Variants in FER observed in about 807,000 individuals in gnomAD.
FER encodes tyrosine-protein kinase Fer.
In FER, 63 loss-of-function variants were observed where a neutral mutation model predicts 111.0. The ratio of observed to expected loss-of-function variants is 0.57; its 90% CI spans 0.46 to 0.70. FER has a LOEUF of 0.70. FER is among the 30% of genes least tolerant of loss of function. FER has a pLI of 0.00. For missense variants in FER, 914 were observed against 954.0 expected (o/e 0.96, Z 0.55); for synonymous variants, 327 against 313.9 (o/e 1.04, Z -0.44).
At chr5:108,992,465 C>A (rs1183743179) in intron 13 of FER, among the ~76,000 whole-genome samples, 8 of 151,488 alleles carry the variant, frequency 5.3e-5, no homozygotes, top group African/African-American at 9.7e-5. Context: ...GGCAGAGGCG[C>A]CCCTCACCTC....
chr5:108,757,034 G>A (rs950139514), intron 1 of FER, among the ~76,000 whole-genome samples: 1 of 152,086 alleles, frequency 6.6e-6, no homozygotes, highest in African/African-American at 2.4e-5. Context: ...CCAATTTTAG[G>A]TCATATCATT....
At chr5:108,836,101 A>T (rs550611540) in intron 5 of FER, among the ~76,000 whole-genome samples, 1 of 152,186 alleles carries the variant, frequency 6.6e-6, no homozygotes, top group African/African-American at 2.4e-5. Flanking sequence ...TTACTTATTT[A>T]ATTACAGAGT....
intron 17 of FER, among the ~76,000 whole-genome samples, chr5:109,147,664 G>C (rs1754368214): frequency 6.6e-6 from 1 of 151,732 alleles, no homozygotes; most frequent in Non-Finnish European, 1.5e-5. Context: ...TATATTTCTA[G>C]CTGAAAAAGG....
rs540561715 is a variant in FER, at chr5:108,879,653, G to C, written c.924-3743G>C. Among the ~76,000 whole-genome samples the C allele has an allele frequency of 2.1e-3, 289 of 137,692 alleles. 1 individual carries two copies. The highest frequency in any genetic ancestry group is 7.3e-3 in the African/African-American group (263 of 35,956). 90.3% of individuals were successfully genotyped at this position (137,692 alleles called of 152,430 possible). ...TTTATTTTTAAGGGGATAATGGTAA[G>C]AAAGAGTAAATACTTTCACCATATG... is the stretch of plus-strand genomic sequence containing the variant. On this transcript the variant is annotated intron_variant, in intron 8 of 19. Coordinates refer to ENST00000281092, the MANE Select transcript of FER (RefSeq NM_005246.4).
At chr5:108,785,655 G>T in intron 2 of FER, 1 of 333,250 alleles carries the variant, frequency 3.0e-6, no homozygotes, top group South Asian at 2.7e-5. Context: ...TCCCCTGGCT[G>T]TTTGTTTTTG....
intron 13 of FER, among the ~76,000 whole-genome samples, chr5:109,024,831 T>C (rs1768451650): frequency 6.6e-6 from 1 of 152,058 alleles, no homozygotes; most frequent in Non-Finnish European, 1.5e-5. Context: ...TTCAGCTTTC[T>C]ACATATGGCT....
intron 16 of FER, among the ~76,000 whole-genome samples, chr5:109,057,588 C>G (rs1304442280): frequency 6.6e-6 from 1 of 152,166 alleles, no homozygotes; most frequent in Non-Finnish European, 1.5e-5. Context: ...CTGGCACAAG[C>G]AGTCCTCCTG....
In FER at chr5:108,872,151, G is replaced by T; in HGVS notation, c.862G>T (p.Glu288Ter). The change falls in exon 8 of 20, where the codon GAA becomes TAA. Residue 288 changes from glutamate (E) to a stop codon, truncating the protein, a stop_gained. Coordinates refer to ENST00000281092, the MANE Select transcript of FER (RefSeq NM_005246.4). LOFTEE classifies it high-confidence loss of function. ...EFDTSLLEEN[E>*]NLQANEIMWN... Reference sequence around the variant, plus strand: ...TGATACTTCCTTACTGGAAGAAAATGAAAATCTTCAGGCAAATGAGATCAT... The same window carrying T: ...TGATACTTCCTTACTGGAAGAAAATTAAAATCTTCAGGCAAATGAGATCAT... 6.2e-7 allele frequency: 1 copy of T among 1,611,700 alleles called. No homozygotes were observed.
chr5:108,945,659 GA>G (rs2149624387), intron 10 of FER, among the ~76,000 whole-genome samples: 1 of 151,926 alleles, frequency 6.6e-6, no homozygotes, highest in South Asian at 2.1e-4. Context: ...GTACTGAAGT[GA>G]AATTCACCTT....
chr5:108,931,018 TTA>T, intron 10 of FER, among the ~76,000 whole-genome samples: 1 of 152,234 alleles, frequency 6.6e-6, no homozygotes, highest in East Asian at 1.9e-4. Flanking sequence ...ATAAGAATTC[TTA>T]TTCTGAGTAA....
chr5:108,772,971 A>C (rs1455870719), intron 2 of FER, among the ~76,000 whole-genome samples: 3 of 152,350 alleles, frequency 2.0e-5, no homozygotes, highest in East Asian at 3.9e-4. Flanking sequence ...AGAGCTAAGC[A>C]CAATCAGAAA....
At position 108,823,274 on chromosome 5, in the gene FER, A is replaced by G. The variant is rs1161830220; in HGVS notation, c.208-9496A>G. ...TTACAGGTATCTTTTTGTTGTATTG[A>G]TTTTGTTTTCTTTGGCTATGTAACC... is the stretch of plus-strand genomic sequence containing the variant. On this transcript the variant is annotated intron_variant, in intron 3 of 19. Transcript: ENST00000281092. Among the ~76,000 whole-genome samples the G allele has an allele frequency of 2.0e-5, 3 of 152,148 alleles. No individual in the cohort carries two copies. In the East Asian group the frequency reaches 5.8e-4, roughly 29 times the overall value.
At chr5:108,756,694 G>A (rs1751148445) in intron 1 of FER, among the ~76,000 whole-genome samples, 2 of 151,926 alleles carry the variant, frequency 1.3e-5, no homozygotes, top group South Asian at 4.2e-4. Flanking sequence ...TTTATGTTGG[G>A]GATGATGTAT....
chr5:109,171,908 G>T (rs1757130961), intron 17 of FER, among the ~76,000 whole-genome samples: 1 of 152,166 alleles, frequency 6.6e-6, no homozygotes, highest in Non-Finnish European at 1.5e-5. Context: ...GGCCATCAGA[G>T]AAATGCAAAT....
chr5:108,844,990 GTGTGTGTATATATATATATATATATA>G (rs1294894732), intron 5 of FER, among the ~76,000 whole-genome samples: 2 of 41,798 alleles, frequency 4.8e-5, no homozygotes, highest in African/African-American at 2.1e-4. Context: ...GCTGGTGTGT[GTGTGTGTATATATATATATATATATA>G]TATATATATA....
intron 16 of FER, among the ~76,000 whole-genome samples, chr5:109,081,300 C>G (rs926903352): frequency 6.6e-6 from 1 of 152,042 alleles, no homozygotes; most frequent in African/African-American, 2.4e-5. Flanking sequence ...GTGCATGACT[C>G]TTATCTCTTT....
At chr5:109,150,552 GTAACT>G (rs1250035027) in intron 17 of FER, among the ~76,000 whole-genome samples, 1 of 152,150 alleles carries the variant, frequency 6.6e-6, no homozygotes, top group Non-Finnish European at 1.5e-5. Flanking sequence ...ATACAAAATA[GTAACT>G]TAACTAGGAA....
rs1748072637 is a variant in FER, at chr5:108,891,651, T to C, written c.1047-6008T>C. On this transcript the variant is annotated intron_variant, in intron 9 of 19. Transcript: ENST00000281092. ...AGATCTCAGAGGTTTTTTTCTCTTT[T>C]GTTTGTTTTTTTTTTCTTTTTTTTT... The C allele has an allele frequency of 1.3e-5, 2 of 151,422 alleles. 1 individual carries two copies. Among genetic ancestry groups the C allele is most frequent in the South Asian group, 4.2e-4 (2 of 4,814 alleles). 9.4% of individuals were successfully genotyped at this position (151,422 alleles called of 1,614,324 possible). A position where few individuals can be genotyped will look rare whatever the true frequency, so the allele number is the denominator to read the frequency against.
intron 17 of FER, among the ~76,000 whole-genome samples, chr5:109,139,461 C>T (rs1402944541): frequency 6.6e-6 from 1 of 150,952 alleles, no homozygotes; most frequent in Non-Finnish European, 1.5e-5. Flanking sequence ...AGCCATTCTC[C>T]TGCTACTTCT....
Sources: gnomAD v4.1 joint callset for allele counts (sites outside exome capture counted in the v4.1 genomes callset) on GRCh38, gnomAD v4.1.1 for gene constraint, MANE v1.5 for transcripts, NCBI Gene and HGNC (gene_info 2026-07-23, HGNC 2026-07-21) for gene names.